CEP295: variants seen among roughly 807,000 people sequenced by gnomAD.
CEP295 encodes the protein centrosomal protein 295.
Under a neutral mutation model 291.6 loss-of-function variants are expected in CEP295, and 190 were observed. The ratio of observed to expected loss-of-function variants is 0.65; its 90% CI spans 0.58 to 0.73. The LOEUF is 0.73. Among genes scored for constraint, CEP295 ranks in the 30% least tolerant of loss-of-function variants. The probability of loss-of-function intolerance (pLI) is 0.00; values close to 1 mark genes in which losing one functional copy is unlikely to be tolerated. For synonymous variants in CEP295, 993 were observed against 1,038.8 expected, an observed-to-expected ratio of 0.96 and a Z score of 0.85; for missense variants, 2,863 against 2,949.4, an observed-to-expected ratio of 0.97 and a Z score of 0.68.
In CEP295 at chr11:93,691,739, C is replaced by A. The variant is rs1437634377; in HGVS notation, c.1393C>A (p.Pro465Thr). Residue 465 changes from proline to threonine, a missense_variant, in exon 11 of 30, where the codon CCA becomes ACA. Coordinates refer to ENST00000325212, the MANE Select transcript of CEP295 (RefSeq NM_033395.2). ...ESGPLASEDK[P>T]LSCGTNSGKE... ...TGGACCACTTGCTAGTGAAGATAAA[C>A]CACTTTCGTGTGGTACAAACTCTGG... 5.8e-6 allele frequency: 9 copies of A among 1,547,024 alleles called. No homozygotes were observed. The highest frequency in any genetic ancestry group is 7.0e-6 in the Non-Finnish European group (8 of 1,145,306).
At position 93,683,653 on chromosome 11, in the gene CEP295, T is replaced by C. The variant is rs1017908732; in HGVS notation, c.860T>C (p.Val287Ala). The change falls in exon 8 of 30, where the codon GTT becomes GCT. Residue 287 changes from valine (V) to alanine (A), a missense_variant. By Grantham distance (64) the Val-to-Ala change is moderately conservative (BLOSUM62 0). This residue lies in a region of CEP295 where 554 missense variants were observed against 576.0 expected (regional missense o/e 0.96). Coordinates refer to ENST00000325212, the MANE Select transcript of CEP295 (RefSeq NM_033395.2). ...GTAGCACAAATGCCACCACAACTAGTTGAACTTCCATACAAACGCAGTGAA... is the reference window on the plus strand; with the variant it reads ...GTAGCACAAATGCCACCACAACTAGCTGAACTTCCATACAAACGCAGTGAA... ...QTVAQMPPQLVELPYKRSEMK... is the reference protein window; with the variant it reads ...QTVAQMPPQLAELPYKRSEMK... 3.2e-5 allele frequency: 50 copies of C among 1,549,942 alleles called. No homozygotes were observed. The highest frequency in any genetic ancestry group is 3.8e-5 in the Non-Finnish European group (44 of 1,146,648).
intron 9 of CEP295, among the ~76,000 whole-genome samples, chr11:93,686,100 T>C (rs1951221470): frequency 6.6e-6 from 1 of 151,878 alleles, no homozygotes; most frequent in African/African-American, 2.4e-5. Context: ...GGGAGGATCA[T>C]TTGAGTTCAG....
intron 22 of CEP295, 66 bp from the exon 23 acceptor site, chr11:93,725,585 A>G (rs1268023792): frequency 1.6e-6 from 2 of 1,277,144 alleles, no homozygotes; most frequent in Non-Finnish European, 2.1e-6. Context: ...AAGGAACACA[A>G]TGATTATTGT....
chr11:93,688,780 T>C (rs1007749490), intron 10 of CEP295, among the ~76,000 whole-genome samples: 1 of 152,176 alleles, frequency 6.6e-6, no homozygotes, highest in Admixed American at 6.5e-5. Flanking sequence ...TATGCATTTC[T>C]ATTTTTGGCC....
Position 93,730,149 on chromosome 11 carries a change from G to T in CEP295, c.7767+1G>T. On this transcript the variant is annotated splice_donor_variant, in intron 29 of 29. Transcript: ENST00000325212. LOFTEE classifies it high-confidence loss of function. ...AGCAAGGGCAAAAGAATTCCATAAG[G>T]TGAGTATAACTGAGGGAGAAGGACT... 6.4e-7 allele frequency: 1 copy of T among 1,551,014 alleles called. No individual in the cohort carries two copies. The highest frequency in any genetic ancestry group is 1.4e-5 in the African/African-American group (1 of 73,048).
At chr11:93,728,509 GTTATGGAAGCCTAAGGAAATCTGATC>G in intron 24 of CEP295, 146 bp from the exon 25 acceptor site, 1 of 514,798 alleles carries the variant, frequency 1.9e-6, no homozygotes, top group East Asian at 3.5e-5. Context: ...GAATGCTGGA[GTTATGGAAGCCTAAGGAAATCTGATC>G]TGTTGGTCTT....
At chr11:93,664,150 AT>A (rs1185124382) in intron 1 of CEP295, among the ~76,000 whole-genome samples, 1 of 152,204 alleles carries the variant, frequency 6.6e-6, no homozygotes, top group Non-Finnish European at 1.5e-5. Context: ...TTATTTAAAT[AT>A]GAGGGAATTT....
At chr11:93,724,853 A>C (rs139941881) in intron 22 of CEP295, among the ~76,000 whole-genome samples, 1,930 of 152,234 alleles carry the variant, frequency 0.013, 38 homozygotes, top group African/African-American at 0.043. Flanking sequence ...TCCAGACTAC[A>C]CCCTAGACCA....
chr11:93,666,697 A>C lies in CEP295; in HGVS notation c.-11A>C. On this transcript the variant is annotated 5_prime_UTR_variant, in exon 2 of 30. Coordinates refer to ENST00000325212, the MANE Select transcript of CEP295 (RefSeq NM_033395.2). The stretch of plus-strand genomic sequence containing the variant: ...TTGAATTCAGAACTGTCATACATAA[A>C]GTACACAGAAATGAAGAGAAAAGTC... The C allele has an allele frequency of 7.2e-7, 1 of 1,393,284 alleles. No individual in the cohort carries two copies. Among genetic ancestry groups the C allele is most frequent in the Non-Finnish European group, 9.9e-7 (1 of 1,011,606 alleles). The allele number at this position is 1,393,284 out of a possible 1,614,324, so 86.3% of individuals were successfully genotyped here.
chr11:93,670,821 AAG>A (rs1950408015), intron 5 of CEP295, among the ~76,000 whole-genome samples: 2 of 152,324 alleles, frequency 1.3e-5, no homozygotes, highest in Admixed American at 6.5e-5. Flanking sequence ...AATTTATAAA[AAG>A]TAAACAAAAC....
intron 10 of CEP295, among the ~76,000 whole-genome samples, chr11:93,689,279 T>C (rs1373259418): frequency 1.3e-5 from 2 of 152,116 alleles, no homozygotes; most frequent in African/African-American, 4.8e-5. Context: ...CCAGAGAGTT[T>C]ATAGTGGTTT....
At position 93,673,848 on chromosome 11, in the gene CEP295, C is replaced by T. The variant is rs11020476; in HGVS notation, c.529-1723C>T. The stretch of plus-strand genomic sequence containing the variant: ...CTGTTCCATGGATTCTGATTTAATT[C>T]GTTTGGTGTGGGGCCAAGACACGAG... On this transcript the variant is annotated intron_variant, in intron 5 of 29. Coordinates refer to ENST00000325212, the MANE Select transcript of CEP295 (RefSeq NM_033395.2). 1.4e-3 allele frequency among the ~76,000 whole-genome samples: 210 copies of T among 152,144 alleles called. 1 individual carries two copies. In the East Asian group the frequency reaches 0.031, roughly 22 times the overall value.
intron 5 of CEP295, among the ~76,000 whole-genome samples, chr11:93,671,459 C>T (rs1229289942): frequency 1.3e-5 from 2 of 152,272 alleles, no homozygotes; most frequent in East Asian, 1.9e-4. Flanking sequence ...ACTCCATGAG[C>T]ATTTCCTTGC....
At position 93,698,376 on chromosome 11, in the gene CEP295, A is replaced by G. The variant is rs1951958674; in HGVS notation, c.3464A>G (p.His1155Arg). 6.4e-7 allele frequency: 1 copy of G among 1,552,134 alleles called. No homozygotes were observed. The highest frequency in any genetic ancestry group is 8.7e-7 in the Non-Finnish European group (1 of 1,147,126). Residue 1155 changes from histidine to arginine, a missense_variant, in exon 15 of 30, where the codon CAT becomes CGT. Physicochemically the swap from His to Arg is conservative, Grantham distance 29. This residue lies in a region of CEP295 where 2,295 missense variants were observed against 2,335.7 expected (regional missense o/e 0.98). Coordinates refer to ENST00000325212, the MANE Select transcript of CEP295 (RefSeq NM_033395.2). ...GATAAGTCTCTTAGTTTTCCACAGC[A>G]TAGCCTGGCACAGCAAGAAAATTTG... ...FQDKSLSFPQ[H>R]SLAQQENLTI...
At position 93,683,814 on chromosome 11, in the gene CEP295, A is replaced by G. The variant is rs958626990; in HGVS notation, c.949+72A>G. The G allele has an allele frequency of 2.4e-5, 35 of 1,469,410 alleles. No individual in the cohort carries two copies. In the African/African-American group the frequency reaches 4.6e-4, roughly 19 times the overall value. The allele number at this position is 1,469,410 out of a possible 1,614,324, so 91.0% of individuals were successfully genotyped here. ...GGTGGGAAAATATGTTTGTAATGATAAAGCAGTTTTTATCTTGAAATGAGT... is the reference window on the plus strand; with the variant it reads ...GGTGGGAAAATATGTTTGTAATGATGAAGCAGTTTTTATCTTGAAATGAGT... On this transcript the variant is annotated intron_variant, in intron 8 of 29. Coordinates refer to ENST00000325212, the MANE Select transcript of CEP295 (RefSeq NM_033395.2).
chr11:93,697,165 A>G lies in CEP295; in HGVS notation c.2253A>G (p.Ile751Met), dbSNP rs984811073. 2 of 1,551,812 alleles carry G rather than the reference A, an allele frequency of 1.3e-6. No homozygotes were observed. The highest frequency in any genetic ancestry group is 3.9e-5 in the Admixed American group (2 of 50,994). ...TAATATCACAGGATGCTAGAAAAAT[A>G]TCTGAAACATTTGGGGCAACAACTT... ...RQLISQDARK[I>M]SETFGATTFQ... The change falls in exon 15 of 30, where the codon ATA becomes ATG. Residue 751 changes from isoleucine to methionine, a missense_variant. Around this residue, in one of 3 missense-constraint regions of CEP295, gnomAD observed 2,295 missense variants for 2,335.7 expected, o/e 0.98. Coordinates refer to ENST00000325212, the MANE Select transcript of CEP295 (RefSeq NM_033395.2).
chr11:93,698,796 T>C lies in CEP295; in HGVS notation c.3884T>C (p.Leu1295Ser). The change falls in exon 15 of 30, where the codon TTG becomes TCG. Residue 1295 changes from leucine (L) to serine (S), a missense_variant. Physicochemically the swap from Leu to Ser is moderately radical, Grantham distance 145 (BLOSUM62 -2). Coordinates refer to ENST00000325212, the MANE Select transcript of CEP295 (RefSeq NM_033395.2). ...GGTTCATCTTCATTCATACCCCAGT[T>C]GGTACAGCTTTCATTTACTTCGTTA... ...QTGSSSFIPQ[L>S]VQLSFTSLAS... 2 of 1,551,730 alleles carry C rather than the reference T, an allele frequency of 1.3e-6. No individual in the cohort carries two copies. Among genetic ancestry groups the C allele is most frequent in the Non-Finnish European group, 1.7e-6 (2 of 1,147,000 alleles).
At chr11:93,690,801 A>G (rs1409962490) in intron 10 of CEP295, among the ~76,000 whole-genome samples, 1 of 148,716 alleles carries the variant, frequency 6.7e-6, no homozygotes. Context: ...ATCTTGCTTT[A>G]TTCTCCCCCT....
chr11:93,669,112 A>G (rs1289973119), intron 4 of CEP295, among the ~76,000 whole-genome samples, 180 bp downstream of exon 4: 1 of 152,174 alleles, frequency 6.6e-6, no homozygotes, highest in Non-Finnish European at 1.5e-5. Flanking sequence ...TGAACATAGT[A>G]ACTAATGAGC....
Sources: allele counts gnomAD v4.1 joint callset (sites outside exome capture counted in the v4.1 genomes callset), GRCh38; gene constraint gnomAD v4.1.1; regional missense constraint gnomAD v4.1.1; transcripts MANE v1.5; gene names NCBI Gene and HGNC (gene_info 2026-07-23, HGNC 2026-07-21).